CPVL: variants seen among roughly 807,000 people sequenced by gnomAD.
CPVL encodes the protein carboxypeptidase vitellogenic like.
Under a neutral mutation model 63.7 loss-of-function variants are expected in CPVL, and 51 were observed. The observed-to-expected ratio is 0.80, with a 90% CI of 0.64 to 1.01. The LOEUF (loss-of-function observed/expected upper bound fraction) is 1.01, where lower values mean the gene tolerates loss of function less well. Among genes scored for constraint, CPVL ranks in the 50% least tolerant of loss-of-function variants. CPVL has a pLI of 0.00. For synonymous variants in CPVL, 195 were observed against 206.0 expected (o/e 0.95, Z 0.46); for missense variants, 530 against 573.1 (o/e 0.92, Z 0.77).
intron 11 of CPVL, among the ~76,000 whole-genome samples, chr7:29,050,366 G>C (rs1024091041): frequency 6.0e-5 from 9 of 150,778 alleles, no homozygotes; most frequent in African/African-American, 2.2e-4. Flanking sequence ...TGACCAACAA[G>C]AGAATCAAAT....
intron 5 of CPVL, among the ~76,000 whole-genome samples, chr7:29,174,218 T>G (rs1206101564): frequency 1.3e-5 from 2 of 152,000 alleles, no homozygotes; most frequent in Non-Finnish European, 2.9e-5. Flanking sequence ...AAGCCTTAAT[T>G]AAGCTGTCAG....
Position 29,040,006 on chromosome 7 carries a change from C to T in CPVL, c.1138-9247G>A, listed in dbSNP as rs193134461. Reference sequence around the variant, plus strand: ...TGATTGAACAGCAGCCTAAGCTATTCCAGGCTGCACAGCATTCCCAGTTGG... The same window carrying T: ...TGATTGAACAGCAGCCTAAGCTATTTCAGGCTGCACAGCATTCCCAGTTGG... On this transcript the variant is annotated intron_variant, in intron 11 of 12. Transcript: ENST00000265394. Among the ~76,000 whole-genome samples the T allele has an allele frequency of 1.9e-4, 29 of 152,268 alleles. No homozygotes were observed. The East Asian group carries it at 5.6e-3, about 29-fold the overall frequency.
intron 12 of CPVL, among the ~76,000 whole-genome samples, chr7:29,029,883 A>G (rs535172010): frequency 6.6e-6 from 1 of 152,348 alleles, no homozygotes; most frequent in South Asian, 2.1e-4. Context: ...AACATTAAAT[A>G]CATGTATCAA....
At chr7:29,140,967 A>G (rs574334514) in intron 1 of CPVL, among the ~76,000 whole-genome samples, 1 of 152,324 alleles carries the variant, frequency 6.6e-6, no homozygotes, top group African/African-American at 2.4e-5. Context: ...GGAAGGTTGC[A>G]TGACCTTTGT....
chr7:29,076,388 C>G (rs1163489636), intron 7 of CPVL, among the ~76,000 whole-genome samples: 2 of 152,116 alleles, frequency 1.3e-5, no homozygotes, highest in East Asian at 1.9e-4. Flanking sequence ...AACATGGGAT[C>G]AGACCCTGGT....
chr7:29,114,442 C>G (rs1248747942), intron 2 of CPVL, among the ~76,000 whole-genome samples: 1 of 152,044 alleles, frequency 6.6e-6, no homozygotes, highest in Non-Finnish European at 1.5e-5. Flanking sequence ...TCAGAAGGTG[C>G]AGGTGGCAAG....
intron 3 of CPVL, among the ~76,000 whole-genome samples, chr7:29,103,663 A>C (rs1266843605): frequency 1.3e-5 from 2 of 152,160 alleles, no homozygotes; most frequent in Non-Finnish European, 2.9e-5. Context: ...TAAAGTAGAC[A>C]GGCATCTGCC....
intron 5 of CPVL, among the ~76,000 whole-genome samples, chr7:29,159,538 G>C (rs1308329547): frequency 6.6e-6 from 1 of 152,152 alleles, no homozygotes; most frequent in Non-Finnish European, 1.5e-5. Flanking sequence ...TATCATTGTA[G>C]TTCTCCTATG....
chr7:29,019,220 T>A (rs779346969), intron 12 of CPVL, among the ~76,000 whole-genome samples: 1 of 152,142 alleles, frequency 6.6e-6, no homozygotes, highest in Non-Finnish European at 1.5e-5. Flanking sequence ...AATAAGTTAG[T>A]CCAGACCTTG....
intron 12 of CPVL, among the ~76,000 whole-genome samples, chr7:29,021,276 G>A (rs765437207): frequency 3.3e-5 from 5 of 152,026 alleles, no homozygotes; most frequent in Admixed American, 6.6e-5. Flanking sequence ...GACACATGAA[G>A]AAACAGAAAA....
Position 29,064,224 on chromosome 7 carries a change from TC to T in CPVL, c.973del (p.Asp325IlefsTer6). Reference protein sequence around the residue: ...YNFLRCTEPEDQLYYVKFLSL... With the variant: ...YNFLRCTEPEXQLYYVKFLSL... Reference sequence around the variant, plus strand: ...CAAAAATTTCACATAGTAAAGCTGATCCTCAGGTTCCTGGCAGAAGGGGCAT... The same window carrying T: ...CAAAAATTTCACATAGTAAAGCTGATCTCAGGTTCCTGGCAGAAGGGGCAT... On this transcript the variant is annotated frameshift_variant, in exon 11 of 13. Coordinates refer to ENST00000265394, the MANE Select transcript of CPVL (RefSeq NM_031311.5). LOFTEE classifies it high-confidence loss of function. The T allele has an allele frequency of 6.2e-7, 1 of 1,610,730 alleles. No individual in the cohort carries two copies. Among genetic ancestry groups the T allele is most frequent in the Non-Finnish European group, 8.5e-7 (1 of 1,177,386 alleles).
chr7:29,113,056 C>A, intron 2 of CPVL: 3 of 425,650 alleles, frequency 7.0e-6, no homozygotes, highest in East Asian at 3.5e-5. Context: ...GAGGGGTGCC[C>A]AAATATATTT....
upstream of CPVL, chr7:29,146,706 CTT>C (rs1792742869): frequency 1.3e-6 from 2 of 1,550,656 alleles, no homozygotes; most frequent in Non-Finnish European, 1.7e-6. Context: ...AGGGTGGAAT[CTT>C]AAAAATTAAT....
At chr7:29,151,851 A>G (rs1200779166) in intron 5 of CPVL, among the ~76,000 whole-genome samples, 2 of 152,228 alleles carry the variant, frequency 1.3e-5, no homozygotes, top group Non-Finnish European at 2.9e-5. Flanking sequence ...ACGAAATTGT[A>G]TGTATAGCCA....
intron 12 of CPVL, among the ~76,000 whole-genome samples, chr7:29,015,816 C>A (rs1469494803): frequency 6.6e-6 from 1 of 152,136 alleles, no homozygotes; most frequent in African/African-American, 2.4e-5. Context: ...ATTTTCAAAT[C>A]TCAGATACTA....
intron 7 of CPVL, among the ~76,000 whole-genome samples, chr7:29,074,912 C>T (rs978366974): frequency 3.3e-5 from 5 of 151,766 alleles, no homozygotes; most frequent in African/African-American, 1.2e-4. Flanking sequence ...GCAAAGTTTA[C>T]GATTTCTTAG....
intron 2 of CPVL, among the ~76,000 whole-genome samples, chr7:29,113,247 C>T (rs1460124112): frequency 2.0e-5 from 3 of 152,056 alleles, no homozygotes; most frequent in African/African-American, 7.2e-5. Flanking sequence ...CAGCTCTCGG[C>T]CTCGCCCCGA....
intron 4 of CPVL, among the ~76,000 whole-genome samples, chr7:29,095,653 T>C (rs1268356137): frequency 6.6e-6 from 1 of 151,810 alleles, no homozygotes; most frequent in East Asian, 1.9e-4. Flanking sequence ...GATGTTGCTC[T>C]TTCTTTATCC....
chr7:29,112,356 T>C (rs992402859), intron 3 of CPVL, among the ~76,000 whole-genome samples: 2 of 152,136 alleles, frequency 1.3e-5, no homozygotes, highest in African/African-American at 4.8e-5. Context: ...CTATCCTCCT[T>C]GGGCTCCCCT....
Sources: gnomAD v4.1 joint callset for allele counts (sites outside exome capture counted in the v4.1 genomes callset) on GRCh38, gnomAD v4.1.1 for gene constraint, MANE v1.5 for transcripts, NCBI Gene and HGNC (gene_info 2026-07-23, HGNC 2026-07-21) for gene names.